Variants in SORCS3 observed in about 807,000 individuals in gnomAD.
The protein encoded by SORCS3 is sortilin related VPS10 domain containing receptor 3.
In SORCS3, 57 loss-of-function variants were observed where a neutral mutation model predicts 146.3. That is an observed-to-expected ratio of 0.39 (90% CI 0.31 to 0.49). SORCS3 has a LOEUF of 0.49. SORCS3 is among the 20% of genes least tolerant of loss of function. The probability of loss-of-function intolerance (pLI) is 0.92; values close to 1 mark genes in which losing one functional copy is unlikely to be tolerated. For missense variants in SORCS3, 1,341 were observed against 1,575.5 expected (o/e 0.85, Z 2.52); for synonymous variants, 653 against 618.5 (o/e 1.06, Z -0.83).
intron 5 of SORCS3, among the ~76,000 whole-genome samples, chr10:105,073,344 C>T (rs1293074143): frequency 2.0e-5 from 3 of 152,070 alleles, no homozygotes; most frequent in South Asian, 2.1e-4. Flanking sequence ...CAGGCCTAGG[C>T]GAAGGGGATA....
intron 1 of SORCS3, among the ~76,000 whole-genome samples, chr10:104,782,938 A>G (rs1281377106): frequency 1.3e-5 from 2 of 152,200 alleles, no homozygotes; most frequent in Admixed American, 6.5e-5. Context: ...TGTGTTTTAC[A>G]TATGCAGTTT....
intron 7 of SORCS3, 99 bp from the exon 8 acceptor site, chr10:105,139,298 A>G (rs141039259): frequency 4.5e-6 from 4 of 879,336 alleles, no homozygotes; most frequent in Non-Finnish European, 7.5e-6. Flanking sequence ...AAAGGTAATT[A>G]CAAACCCATT....
chr10:105,216,948 A>G lies in SORCS3; in HGVS notation c.2560A>G (p.Arg854Gly). 1.9e-6 allele frequency: 3 copies of G among 1,614,166 alleles called. No homozygotes were observed. The highest frequency in any genetic ancestry group is 2.5e-6 in the Non-Finnish European group (3 of 1,180,020). The change falls in exon 19 of 27, where the codon AGG becomes GGG. Residue 854 changes from arginine (R) to glycine (G), a missense_variant. Physicochemically the swap from Arg to Gly is moderately radical, Grantham distance 125. Transcript: ENST00000369701. ...TGCCATCTTGCAGGGTGATCTACAA[A>G]GGACAAACATCCAGCTTGACTTTGG... ...IILMEEGDLQ[R>G]TNIQLDFGDG...
chr10:104,976,234 T>C (rs1426503993), intron 3 of SORCS3, among the ~76,000 whole-genome samples: 1 of 151,822 alleles, frequency 6.6e-6, no homozygotes, highest in East Asian at 1.9e-4. Flanking sequence ...AACAACCCCA[T>C]CAAAAAGTGG....
At chr10:105,218,437 A>G (rs1456916076) in intron 19 of SORCS3, among the ~76,000 whole-genome samples, 11 of 152,244 alleles carry the variant, frequency 7.2e-5, no homozygotes, top group Non-Finnish European at 1.3e-4. Context: ...GGGAGGTAAC[A>G]ATGCAGATAT....
At chr10:105,196,917 C>T (rs992574901) in intron 14 of SORCS3, among the ~76,000 whole-genome samples, 1 of 152,132 alleles carries the variant, frequency 6.6e-6, no homozygotes, top group Non-Finnish European at 1.5e-5. Flanking sequence ...GGTCAGCAGG[C>T]CTCTACTCCC....
chr10:104,927,004 T>C, intron 3 of SORCS3, among the ~76,000 whole-genome samples: 1 of 152,230 alleles, frequency 6.6e-6, no homozygotes, highest in East Asian at 1.9e-4. Flanking sequence ...CCAGACATTT[T>C]AGAGGAATAA....
intron 1 of SORCS3, among the ~76,000 whole-genome samples, chr10:104,645,772 T>A (rs551067649): frequency 6.6e-6 from 1 of 152,342 alleles, no homozygotes; most frequent in African/African-American, 2.4e-5. Flanking sequence ...TCAGCTGGAC[T>A]GTGTTCTAAA....
intron 4 of SORCS3, among the ~76,000 whole-genome samples, chr10:104,994,957 A>G (rs1337800758): frequency 1.3e-5 from 2 of 152,152 alleles, no homozygotes; most frequent in African/African-American, 4.8e-5. Context: ...ATAGTAGTGG[A>G]ATGGCTGGAT....
intron 2 of SORCS3, among the ~76,000 whole-genome samples, chr10:104,875,296 G>A (rs1427292991): frequency 2.0e-5 from 3 of 152,152 alleles, no homozygotes; most frequent in Non-Finnish European, 4.4e-5. Flanking sequence ...TGGGACATAT[G>A]CATTTATTTG....
At chr10:105,187,979 ATGGTGGTGGTGGTGCTGCTGCTGC>A (rs978081006) in intron 14 of SORCS3, among the ~76,000 whole-genome samples, 1 of 152,058 alleles carries the variant, frequency 6.6e-6, no homozygotes, top group African/African-American at 2.4e-5. Context: ...AGCTTTTTAA[ATGGTGGTGGTGGTGCTGCTGCTGC>A]TGGTGGTGGT....
At chr10:104,848,029 A>G (rs1346804225) in intron 2 of SORCS3, among the ~76,000 whole-genome samples, 1 of 151,996 alleles carries the variant, frequency 6.6e-6, no homozygotes, top group African/African-American at 2.4e-5. Flanking sequence ...ATTCGTTCCT[A>G]GCCTGTGAAC....
intron 1 of SORCS3, among the ~76,000 whole-genome samples, chr10:104,667,318 C>G (rs772916848): frequency 1.5e-4 from 23 of 152,152 alleles, no homozygotes; most frequent in Non-Finnish European, 2.9e-4. Context: ...TATGCCCCAT[C>G]TTTTTGCTTC....
chr10:105,077,521 AACACACACACAC>A (rs60182481), intron 5 of SORCS3, among the ~76,000 whole-genome samples: 9 of 116,582 alleles, frequency 7.7e-5, no homozygotes, highest in East Asian at 5.4e-4. Flanking sequence ...GACTAAATTA[AACACACACACAC>A]ACACACACAC....
At chr10:104,858,544 T>G (rs1176558075) in intron 2 of SORCS3, among the ~76,000 whole-genome samples, 1 of 152,042 alleles carries the variant, frequency 6.6e-6, no homozygotes, top group African/African-American at 2.4e-5. Context: ...CATTTTAGAG[T>G]TTTTTCCTTA....
At chr10:105,132,106 A>G (rs2056023594) in intron 7 of SORCS3, among the ~76,000 whole-genome samples, 1 of 152,144 alleles carries the variant, frequency 6.6e-6, no homozygotes, top group Non-Finnish European at 1.5e-5. Flanking sequence ...TAAAAGTCAG[A>G]TAAACTTGGG....
Position 105,216,846 on chromosome 10 carries a change from A to G in SORCS3, c.2548-90A>G, listed in dbSNP as rs546204851. 7 of 1,277,310 alleles carry G rather than the reference A, an allele frequency of 5.5e-6. No homozygotes were observed. In the East Asian group the frequency reaches 1.2e-4, roughly 22 times the overall value. 79.1% of individuals were successfully genotyped at this position (1,277,310 alleles called of 1,614,324 possible). ...CCTTTGGGAAAGACTATGGGTCATC[A>G]GAGGTTGATGCTGAAGCAACAGGAG... On this transcript the variant is annotated intron_variant, in intron 18 of 26. Coordinates refer to ENST00000369701, the MANE Select transcript of SORCS3 (RefSeq NM_014978.3).
chr10:104,729,659 GGCGTATC>G (rs2016683866), intron 1 of SORCS3, among the ~76,000 whole-genome samples: 2 of 152,206 alleles, frequency 1.3e-5, no homozygotes, highest in African/African-American at 4.8e-5. Context: ...AGGGAGGTTT[GGCGTATC>G]CATATTTCAG....
intron 20 of SORCS3, among the ~76,000 whole-genome samples, chr10:105,240,322 G>T (rs1442044803): frequency 1.3e-5 from 2 of 152,230 alleles, no homozygotes; most frequent in African/African-American, 4.8e-5. Flanking sequence ...TGAGCTGGAA[G>T]TAGTGAAGAT....
Sources: gnomAD v4.1 joint callset for allele counts (sites outside exome capture counted in the v4.1 genomes callset) on GRCh38, gnomAD v4.1.1 for gene constraint, MANE v1.5 for transcripts, NCBI Gene and HGNC (gene_info 2026-07-23, HGNC 2026-07-21) for gene names.